Variants in MDGA2 observed in about 807,000 individuals in gnomAD.
MDGA2 encodes the protein MAM domain containing glycosylphosphatidylinositol anchor 2, also known as MAM domain-containing glycosylphosphatidylinositol anchor protein 2.
Under a neutral mutation model 117.8 loss-of-function variants are expected in MDGA2, and 40 were observed. The ratio of observed to expected loss-of-function variants is 0.34; its 90% confidence interval spans 0.26 to 0.44. MDGA2 has a LOEUF of 0.44. Among genes scored for constraint, MDGA2 ranks in the 20% least tolerant of loss-of-function variants. MDGA2 has a pLI of 1.00. For missense variants in MDGA2, 1,123 were observed against 1,250.6 expected (o/e 0.90, Z 1.54); for synonymous variants, 452 against 439.0 (o/e 1.03, Z -0.37).
At chr14:47,305,212 G>T (rs1889403259) in intron 1 of MDGA2, 2 of 152,020 alleles carry the variant, frequency 1.3e-5, no homozygotes, top group African/African-American at 4.8e-5. Context: ...AAATATAAAT[G>T]CAATTTGCAG....
intron 3 of MDGA2, among the ~76,000 whole-genome samples, chr14:47,183,471 G>T (rs1383552241): frequency 6.6e-6 from 1 of 152,020 alleles, no homozygotes; most frequent in Admixed American, 6.6e-5. Context: ...TTTTAATGAG[G>T]TTGATAAGAT....
intron 2 of MDGA2, among the ~76,000 whole-genome samples, chr14:47,272,969 C>G (rs1354802036): frequency 6.6e-6 from 1 of 152,106 alleles, no homozygotes; most frequent in Non-Finnish European, 1.5e-5. Context: ...TTCCACTTAA[C>G]TAAGGCAGTG....
rs947012522 is a variant in MDGA2 at position 47,047,696 on chromosome 14, C to A, written c.1526-12392G>T. 2.0e-5 allele frequency among the ~76,000 whole-genome samples: 3 copies of A among 151,942 alleles called. No homozygotes were observed. The South Asian group carries it at 6.2e-4, about 32-fold the overall frequency. ...ATCACTGTACGTTGTGTATCAATAA[C>A]CATACTTTATTATTATGCATACATT... is the stretch of plus-strand genomic sequence containing the variant. On this transcript the variant is annotated intron_variant, in intron 7 of 16. Coordinates refer to ENST00000399232, the MANE Select transcript of MDGA2 (RefSeq NM_001113498.3).
chr14:46,939,345 T>A (rs1423411305), intron 9 of MDGA2, among the ~76,000 whole-genome samples: 2 of 152,214 alleles, frequency 1.3e-5, no homozygotes, highest in South Asian at 4.1e-4. Flanking sequence ...CTACATATTG[T>A]ATGTATCAAA....
chr14:47,613,501 A>ACACACG (rs1235349933), intron 1 of MDGA2, among the ~76,000 whole-genome samples: 158 of 151,724 alleles, frequency 1.0e-3, no homozygotes, highest in Non-Finnish European at 1.9e-3. Flanking sequence ...ACACACACAC[A>ACACACG]CACACGCACA....
intron 1 of MDGA2, among the ~76,000 whole-genome samples, chr14:47,441,367 T>C (rs17744827): frequency 0.071 from 10,816 of 152,258 alleles, 511 homozygotes; most frequent in Non-Finnish European, 0.11. Context: ...ACCCGCTGGC[T>C]GGATTTCATT....
At chr14:47,327,522 A>C (rs1890178716) in intron 1 of MDGA2, among the ~76,000 whole-genome samples, 1 of 152,170 alleles carries the variant, frequency 6.6e-6, no homozygotes, top group African/African-American at 2.4e-5. Flanking sequence ...GACATGAATA[A>C]ATCCTTACTG....
chr14:47,145,140 C>T (rs1418628282), intron 3 of MDGA2, among the ~76,000 whole-genome samples: 1 of 152,000 alleles, frequency 6.6e-6, no homozygotes, highest in Non-Finnish European at 1.5e-5. Context: ...TATTAAAAGG[C>T]ACTCCTGTTT....
At chr14:46,900,006 T>C (rs914865580) in intron 10 of MDGA2, among the ~76,000 whole-genome samples, 2 of 151,994 alleles carry the variant, frequency 1.3e-5, no homozygotes, top group African/African-American at 2.4e-5. Flanking sequence ...TACTTGAAAA[T>C]ACAATGGTAC....
chr14:46,957,485 G>C lies in MDGA2; in HGVS notation c.1978C>G (p.Gln660Glu), dbSNP rs1043297221. The change falls in exon 9 of 17, where the codon CAG becomes GAG. Residue 660 changes from glutamine (Q) to glutamate (E), a missense_variant. Physicochemically the swap from Gln to Glu is conservative, Grantham distance 29 (BLOSUM62 2). Transcript: ENST00000399232. ...KLLRTGQFDSQEYTEYAVKSL... is the reference protein window; with the variant it reads ...KLLRTGQFDSEEYTEYAVKSL... ...TTCACAGCGTACTCTGTGTATTCCT[G>C]AGAGTCAAATTGACCCGTCCGTAAT... The C allele has an allele frequency of 6.2e-7, 1 of 1,614,092 alleles. No homozygotes were observed. The highest frequency in any genetic ancestry group is 1.1e-5 in the South Asian group (1 of 91,078).
intron 1 of MDGA2, among the ~76,000 whole-genome samples, chr14:47,333,802 T>C: frequency 6.6e-6 from 1 of 151,928 alleles, no homozygotes; most frequent in East Asian, 1.9e-4. Flanking sequence ...TGTATGTTGA[T>C]ATAAAATTCT....
chr14:47,180,479 T>C (rs948537616), intron 3 of MDGA2, among the ~76,000 whole-genome samples: 1 of 152,018 alleles, frequency 6.6e-6, no homozygotes, highest in Non-Finnish European at 1.5e-5. Flanking sequence ...CTAGCATCTA[T>C]AAGGAACCTA....
chr14:46,844,715 C>T (rs1421699863), intron 16 of MDGA2, among the ~76,000 whole-genome samples: 12 of 152,054 alleles, frequency 7.9e-5, no homozygotes, highest in Admixed American at 7.9e-4. Flanking sequence ...TCTGCATAAT[C>T]CCCATGTTTC....
chr14:47,059,424 G>T, intron 7 of MDGA2: 3 of 680,722 alleles, frequency 4.4e-6, no homozygotes, highest in South Asian at 1.6e-5. Context: ...AAAATTTAAT[G>T]ATTACAACCA....
intron 1 of MDGA2, among the ~76,000 whole-genome samples, chr14:47,390,260 A>T (rs144158029): frequency 2.6e-5 from 4 of 152,208 alleles, no homozygotes; most frequent in African/African-American, 9.6e-5. Context: ...AATATATGTA[A>T]CTCTTTTTAA....
intron 5 of MDGA2, among the ~76,000 whole-genome samples, chr14:47,112,387 T>A (rs1881090659): frequency 6.6e-6 from 1 of 152,160 alleles, no homozygotes; most frequent in Non-Finnish European, 1.5e-5. Flanking sequence ...TTTATCGTGA[T>A]GCTCTCCCTC....
intron 1 of MDGA2, among the ~76,000 whole-genome samples, chr14:47,314,470 G>C (rs1327864159): frequency 6.6e-6 from 1 of 152,088 alleles, no homozygotes; most frequent in East Asian, 1.9e-4. Flanking sequence ...TTAAAGCCAG[G>C]AGTTTGAGAC....
intron 5 of MDGA2, among the ~76,000 whole-genome samples, chr14:47,097,372 G>T (rs998911423): frequency 6.6e-6 from 1 of 151,892 alleles, no homozygotes; most frequent in Non-Finnish European, 1.5e-5. Flanking sequence ...ATGTTTCCTG[G>T]ATTATTGTTC....
Position 46,855,823 on chromosome 14 carries a change from C to A in MDGA2, c.2753-669G>T, listed in dbSNP as rs1339034540. Among the ~76,000 whole-genome samples, 2 of 152,048 alleles carry A rather than the reference C, an allele frequency of 1.3e-5. No homozygotes were observed. Among genetic ancestry groups the A allele is most frequent in the African/African-American group, 4.8e-5 (2 of 41,410 alleles). On this transcript the variant is annotated intron_variant, in intron 14 of 16. Transcript: ENST00000399232. This position sits in a 1 kb window ranked among gnomAD's most constrained non-coding sequence, Gnocchi z 4.1. Reference sequence around the variant, plus strand: ...ACTGAATAACTTGCTCAGAGTTGGACTCTAATTCTGTCGTCTTATATTATC... The same window carrying A: ...ACTGAATAACTTGCTCAGAGTTGGAATCTAATTCTGTCGTCTTATATTATC...
Sources: gnomAD v4.1 joint callset for allele counts (sites outside exome capture counted in the v4.1 genomes callset) on GRCh38, gnomAD v4.1.1 for gene constraint, Gnocchi (gnomAD v3.1) non-coding constraint, MANE v1.5 for transcripts, NCBI Gene and HGNC (gene_info 2026-07-23, HGNC 2026-07-21) for gene names.